CEP164: variants seen among roughly 807,000 people sequenced by gnomAD.
CEP164 encodes centrosomal protein of 164 kDa.
Under a neutral mutation model 182.7 loss-of-function variants are expected in CEP164, and 162 were observed. That is an observed-to-expected ratio of 0.89 (90% CI 0.78 to 1.01). The LOEUF is 1.01. Ranked by LOEUF, CEP164 falls within the 50% of genes least tolerant of loss-of-function variation. CEP164 has a pLI of 0.00. For synonymous variants in CEP164, 661 were observed against 690.0 expected (o/e 0.96, Z 0.66); for missense variants, 1,735 against 1,790.4 (o/e 0.97, Z 0.56).
At chr11:117,399,994 G>T (rs2045952609) in intron 27 of CEP164, among the ~76,000 whole-genome samples, 1 of 152,146 alleles carries the variant, frequency 6.6e-6, no homozygotes, top group African/African-American at 2.4e-5. Context: ...AGTTTAATTA[G>T]ATCTCATTTG....
chr11:117,368,809 C>T lies in CEP164; in HGVS notation c.766-2271C>T, dbSNP rs555481313. 6.4e-4 allele frequency among the ~76,000 whole-genome samples: 97 copies of T among 152,352 alleles called. 1 individual carries two copies. The Middle Eastern group carries it at 0.01, about 16-fold the overall frequency. On this transcript the variant is annotated intron_variant, in intron 8 of 32. Coordinates refer to ENST00000278935, the MANE Select transcript of CEP164 (RefSeq NM_014956.5). ...TCACTTGAAGAGGAGAAGTTTGTCT[C>T]CCTTCTCTTAGCCCAGTGGTCCTGG...
chr11:117,376,916 C>A (rs943060922), intron 11 of CEP164, among the ~76,000 whole-genome samples: 4 of 152,134 alleles, frequency 2.6e-5, no homozygotes, highest in Non-Finnish European at 5.9e-5. Flanking sequence ...GAGGTGGATT[C>A]CATTGTTTGG....
intron 17 of CEP164, 95 bp from the exon 18 acceptor site, chr11:117,392,131 T>A: frequency 9.2e-7 from 1 of 1,091,098 alleles, no homozygotes; most frequent in South Asian, 1.9e-5. Context: ...GACCCTGATC[T>A]CGAGGGCTTG....
chr11:117,410,971 C>T (rs1196483618), intron 31 of CEP164, 77 bp downstream of exon 31: 5 of 1,341,752 alleles, frequency 3.7e-6, no homozygotes, highest in Non-Finnish European at 5.2e-6. Flanking sequence ...GCAGGTGGAC[C>T]TCTGAGGGGA....
In CEP164 at chr11:117,409,989, C is replaced by G. The variant is rs184462899; in HGVS notation, c.4096+24C>G. 1 of 1,601,942 alleles carries G rather than the reference C, an allele frequency of 6.2e-7. No homozygotes were observed. The highest frequency in any genetic ancestry group is 8.5e-7 in the Non-Finnish European group (1 of 1,170,034). On this transcript the variant is annotated intron_variant, in intron 30 of 32. Coordinates refer to ENST00000278935, the MANE Select transcript of CEP164 (RefSeq NM_014956.5). This position sits in a 1 kb window ranked among gnomAD's most constrained non-coding sequence, Gnocchi z 4.4. ...ATGTAAGCCCCACTCTGGGCGGAGC[C>G]TTCCCACCTGCCTCCTCCTCCTCCT...
intron 5 of CEP164, chr11:117,355,493 C>T: frequency 7.8e-7 from 1 of 1,289,382 alleles, no homozygotes; most frequent in South Asian, 1.2e-5. Context: ...CTTAGCCAAA[C>T]TGAGCCCCAC....
intron 4 of CEP164, among the ~76,000 whole-genome samples, chr11:117,348,237 G>A (rs1189513054): frequency 1.3e-5 from 2 of 152,024 alleles, no homozygotes; most frequent in East Asian, 3.8e-4. Context: ...CTCCTAGAGT[G>A]TTGGGGTTAC....
chr11:117,354,887 A>G lies in CEP164; in HGVS notation c.393+2899A>G. The G allele has an allele frequency of 2.5e-6, 3 of 1,218,450 alleles. No homozygotes were observed. In the South Asian group the frequency reaches 4.3e-5, roughly 18 times the overall value. The allele number at this position is 1,218,450 out of a possible 1,614,324, so 75.5% of individuals were successfully genotyped here. Reference sequence around the variant, plus strand: ...GCTGAGGTAGCAAGTGTAAATCAGAAGTGCTTTGTCTTCGTTTTCTCTGCA... The same window carrying G: ...GCTGAGGTAGCAAGTGTAAATCAGAGGTGCTTTGTCTTCGTTTTCTCTGCA... On this transcript the variant is annotated intron_variant, in intron 5 of 32. Transcript: ENST00000278935.
chr11:117,392,183 GTAC>G, intron 17 of CEP164, 40 bp from the exon 18 acceptor site: 1 of 1,523,986 alleles, frequency 6.6e-7, no homozygotes, highest in Non-Finnish European at 8.8e-7. Flanking sequence ...ACCATGATCA[GTAC>G]CTGGCCAGCT....
chr11:117,326,156 C>T (rs529606684), upstream of CEP164, among the ~76,000 whole-genome samples: 1 of 152,236 alleles, frequency 6.6e-6, no homozygotes, highest in Non-Finnish European at 1.5e-5. Flanking sequence ...GGTGATCCAC[C>T]TGCCTTGGCC....
chr11:117,338,973 A>G (rs2037642331), intron 3 of CEP164, among the ~76,000 whole-genome samples: 1 of 149,736 alleles, frequency 6.7e-6, no homozygotes, highest in African/African-American at 2.5e-5. Flanking sequence ...GTGCACCACC[A>G]CACCTGGCTA....
chr11:117,338,772 A>G, intron 3 of CEP164, 104 bp downstream of exon 3: 1 of 911,222 alleles, frequency 1.1e-6, no homozygotes, highest in Non-Finnish European at 1.8e-6. Context: ...TGGTACATGT[A>G]CAGAGTTGCT....
At chr11:117,400,471 T>C (rs2046001663) in intron 27 of CEP164, among the ~76,000 whole-genome samples, 1 of 152,372 alleles carries the variant, frequency 6.6e-6, no homozygotes, top group African/African-American at 2.4e-5. Flanking sequence ...CTATACAGGC[T>C]CTTTTTTGGT....
chr11:117,396,451 T>A (rs1253147210), intron 25 of CEP164, 99 bp from the exon 26 acceptor site: 1 of 1,009,418 alleles, frequency 9.9e-7, no homozygotes, highest in African/African-American at 1.6e-5. Flanking sequence ...TAGAGAGCCA[T>A]TTCCTTGTCT....
intron 4 of CEP164, among the ~76,000 whole-genome samples, chr11:117,347,013 C>T (rs987812776): frequency 1.3e-5 from 2 of 151,856 alleles, no homozygotes; most frequent in Non-Finnish European, 2.9e-5. Context: ...ATGTATGCAC[C>T]CCCTCCCCAA....
At chr11:117,362,222 C>T (rs1359721633) in intron 6 of CEP164, among the ~76,000 whole-genome samples, 182 bp from the exon 7 acceptor site, 1 of 152,236 alleles carries the variant, frequency 6.6e-6, no homozygotes, top group East Asian at 1.9e-4. Context: ...GTCTCTGCAG[C>T]CAAGGCAGTA....
Position 117,394,208 on chromosome 11 carries a change from C to T in CEP164, c.2617-142C>T. On this transcript the variant is annotated intron_variant, in intron 20 of 32. Transcript: ENST00000278935. This position sits in a 1 kb window ranked among gnomAD's most constrained non-coding sequence, Gnocchi z 4.0. The stretch of plus-strand genomic sequence containing the variant: ...GGGCCGGTGCTGTGCTTGTAACCCT[C>T]CTCTTCTCCAAGAGCTGGCTTTAGG... 8.8e-7 allele frequency: 1 copy of T among 1,139,850 alleles called. No individual in the cohort carries two copies. Among genetic ancestry groups the T allele is most frequent in the Non-Finnish European group, 1.2e-6 (1 of 807,456 alleles). 70.6% of individuals were successfully genotyped at this position (1,139,850 alleles called of 1,614,324 possible).
chr11:117,402,530 T>A (rs944559944), intron 27 of CEP164, among the ~76,000 whole-genome samples: 21 of 152,300 alleles, frequency 1.4e-4, no homozygotes, highest in African/African-American at 4.8e-4. Flanking sequence ...TGAGTGAGTT[T>A]CTTAATCTTG....
chr11:117,411,702 G>C lies in CEP164; in HGVS notation c.4164-93G>C, dbSNP rs1049685084. 1.3e-6 allele frequency: 2 copies of C among 1,537,536 alleles called. No individual in the cohort carries two copies. Among genetic ancestry groups the C allele is most frequent in the African/African-American group, 2.7e-5 (2 of 73,228 alleles). On this transcript the variant is annotated intron_variant, in intron 31 of 32. Coordinates refer to ENST00000278935, the MANE Select transcript of CEP164 (RefSeq NM_014956.5). This position sits in a 1 kb window ranked among gnomAD's most constrained non-coding sequence, Gnocchi z 4.4. The stretch of plus-strand genomic sequence containing the variant: ...GCTGCTCTGGTAGCTGAGAGAAAGA[G>C]GGAGGAGGTGACAGATGTGATGGCC...
Sources: allele counts gnomAD v4.1 joint callset (sites outside exome capture counted in the v4.1 genomes callset), GRCh38; gene constraint gnomAD v4.1.1; non-coding constraint Gnocchi (gnomAD v3.1); transcripts MANE v1.5; gene names NCBI Gene and HGNC (gene_info 2026-07-23, HGNC 2026-07-21).